SORCS3: variants seen among roughly 807,000 people sequenced by gnomAD.
SORCS3 encodes the protein sortilin related VPS10 domain containing receptor 3, also known as VPS10 domain-containing receptor SorCS3.
SORCS3 carries 57 observed loss-of-function variants against 146.3 expected under a neutral mutation model. The observed-to-expected ratio is 0.39, with a 90% confidence interval of 0.31 to 0.49. The LOEUF (loss-of-function observed/expected upper bound fraction) is 0.49, where lower values mean the gene tolerates loss of function less well. Among genes scored for constraint, SORCS3 ranks in the 20% least tolerant of loss-of-function variants. The probability of loss-of-function intolerance (pLI) is 0.92; values close to 1 mark genes in which losing one functional copy is unlikely to be tolerated. For missense variants in SORCS3, 1,341 were observed against 1,575.5 expected (o/e 0.85, Z 2.52); for synonymous variants, 653 against 618.5 (o/e 1.06, Z -0.83).
intron 13 of SORCS3, among the ~76,000 whole-genome samples, chr10:105,172,641 C>T (rs544241748): frequency 1.3e-5 from 2 of 152,260 alleles, no homozygotes; most frequent in African/African-American, 4.8e-5. Context: ...TTTTCTTCTT[C>T]TTTTTCCCTA....
chr10:104,696,690 ATATATAT>A (rs1467285891), intron 1 of SORCS3, among the ~76,000 whole-genome samples: 13 of 64,134 alleles, frequency 2.0e-4, no homozygotes, highest in South Asian at 4.6e-4. Context: ...ATAATATATA[ATATATAT>A]TATATACGTA....
chr10:105,141,748 A>G (rs952377185), intron 8 of SORCS3, among the ~76,000 whole-genome samples: 1 of 152,180 alleles, frequency 6.6e-6, no homozygotes, highest in African/African-American at 2.4e-5. Context: ...AACAGGCATG[A>G]AAAGCACACA....
chr10:104,943,868 T>C (rs1015700421), intron 3 of SORCS3, among the ~76,000 whole-genome samples: 1 of 152,164 alleles, frequency 6.6e-6, no homozygotes, highest in African/African-American at 2.4e-5. Flanking sequence ...AATAGACCAA[T>C]AGGACAGAAT....
At chr10:104,749,344 A>G (rs1481704721) in intron 1 of SORCS3, among the ~76,000 whole-genome samples, 1 of 151,880 alleles carries the variant, frequency 6.6e-6, no homozygotes, top group Non-Finnish European at 1.5e-5. Flanking sequence ...GGAATGCTTT[A>G]TCACTTTGAA....
At chr10:105,133,165 C>T (rs2056033899) in intron 7 of SORCS3, among the ~76,000 whole-genome samples, 1 of 152,146 alleles carries the variant, frequency 6.6e-6, no homozygotes. Context: ...GAGGACTCTG[C>T]CCCTGAAGGG....
At chr10:104,824,458 C>A (rs1259522471) in intron 1 of SORCS3, among the ~76,000 whole-genome samples, 2 of 152,178 alleles carry the variant, frequency 1.3e-5, no homozygotes, top group Non-Finnish European at 2.9e-5. Context: ...TAGTACCAAG[C>A]ATGATGTGTT....
chr10:105,250,014 T>A (rs1355367994), intron 22 of SORCS3, among the ~76,000 whole-genome samples: 2 of 152,178 alleles, frequency 1.3e-5, no homozygotes, highest in Non-Finnish European at 2.9e-5. Context: ...CAGAAGTGTA[T>A]TTCTCATAAT....
intron 1 of SORCS3, among the ~76,000 whole-genome samples, chr10:104,724,124 T>C (rs1297521910): frequency 6.6e-6 from 1 of 152,252 alleles, no homozygotes; most frequent in African/African-American, 2.4e-5. Flanking sequence ...CGGTTGTTCC[T>C]TTCCATGTTT....
At chr10:105,187,474 G>C (rs1478118875) in intron 14 of SORCS3, among the ~76,000 whole-genome samples, 1 of 152,210 alleles carries the variant, frequency 6.6e-6, no homozygotes, top group East Asian at 1.9e-4. Context: ...CACACCAATA[G>C]CCAAGAATGT....
At chr10:104,902,571 A>T (rs2018862671) in intron 2 of SORCS3, among the ~76,000 whole-genome samples, 1 of 152,224 alleles carries the variant, frequency 6.6e-6, no homozygotes, top group South Asian at 2.1e-4. Flanking sequence ...GTTATCTGAG[A>T]TAAAATATGT....
chr10:105,079,010 G>A (rs535909555), intron 5 of SORCS3, among the ~76,000 whole-genome samples: 55 of 152,258 alleles, frequency 3.6e-4, no homozygotes, highest in Admixed American at 6.5e-4. Context: ...TCACCCAAGA[G>A]CATCTAAAAG....
At chr10:104,893,276 G>A (rs1320047642) in intron 2 of SORCS3, among the ~76,000 whole-genome samples, 1 of 152,156 alleles carries the variant, frequency 6.6e-6, no homozygotes, top group Non-Finnish European at 1.5e-5. Context: ...AAAGAGTAAC[G>A]TAATGCAAGG....
intron 1 of SORCS3, among the ~76,000 whole-genome samples, chr10:104,654,246 A>G (rs150442997): frequency 9.2e-5 from 14 of 152,342 alleles, no homozygotes; most frequent in African/African-American, 3.4e-4. Context: ...GCTATTGTGA[A>G]TAGTGCTGCA....
At position 104,763,082 on chromosome 10, in the gene SORCS3, G is replaced by A. The variant is rs143759874; in HGVS notation, c.628-79710G>A. Among the ~76,000 whole-genome samples the A allele has an allele frequency of 2.6e-3, 392 of 152,202 alleles. 1 individual carries two copies. Among genetic ancestry groups the A allele is most frequent in the Admixed American group, 6.9e-3 (106 of 15,296 alleles). On this transcript the variant is annotated intron_variant, in intron 1 of 26. Coordinates refer to ENST00000369701, the MANE Select transcript of SORCS3 (RefSeq NM_014978.3). ...ATGCAGGGAGGATATTTTTTTCAGT[G>A]TTTCTCAAAGTGTGGTCCCTGGCAC...
chr10:104,809,672 G>A (rs2451476), intron 1 of SORCS3, among the ~76,000 whole-genome samples: 56,367 of 151,984 alleles, frequency 0.37, 11,049 homozygotes, highest in African/African-American at 0.5. Context: ...TTCTCCAAGC[G>A]GGACTGCTTT....
At chr10:104,977,532 G>T in intron 4 of SORCS3, 39 bp downstream of exon 4, 1 of 1,523,320 alleles carries the variant, frequency 6.6e-7, no homozygotes, top group South Asian at 1.2e-5. Context: ...TTGTCATCCA[G>T]GTACCACCAT....
chr10:105,107,988 G>A (rs2055834777), intron 7 of SORCS3, among the ~76,000 whole-genome samples: 1 of 152,134 alleles, frequency 6.6e-6, no homozygotes, highest in Admixed American at 6.5e-5. Flanking sequence ...AACGCTATCT[G>A]TAAAGCAGCA....
chr10:105,121,004 A>T (rs1015470167), intron 7 of SORCS3, among the ~76,000 whole-genome samples: 7 of 152,134 alleles, frequency 4.6e-5, no homozygotes, highest in African/African-American at 1.4e-4. Context: ...GCTTATATGG[A>T]GGGAGCCAGC....
chr10:105,083,934 C>A (rs2055641817), intron 5 of SORCS3, among the ~76,000 whole-genome samples: 1 of 152,194 alleles, frequency 6.6e-6, no homozygotes, highest in Non-Finnish European at 1.5e-5. Flanking sequence ...ATTCTTTTCG[C>A]CAGCTAGGAG....
Sources: allele counts gnomAD v4.1 joint callset (sites outside exome capture counted in the v4.1 genomes callset), GRCh38; gene constraint gnomAD v4.1.1; transcripts MANE v1.5; gene names NCBI Gene and HGNC (gene_info 2026-07-23, HGNC 2026-07-21).